ROR2: variants seen among roughly 807,000 people sequenced by gnomAD.
The protein encoded by ROR2 is tyrosine-protein kinase transmembrane receptor ROR2.
A neutral mutation model predicts 74.9 loss-of-function variants in ROR2; 33 were observed. The ratio of observed to expected loss-of-function variants is 0.44; its 90% CI spans 0.33 to 0.59. The LOEUF (loss-of-function observed/expected upper bound fraction) is 0.59. Among genes scored for constraint, ROR2 ranks in the 20% least tolerant of loss-of-function variants. ROR2 has a pLI of 0.02. For synonymous variants in ROR2, 586 were observed against 558.7 expected (o/e 1.05, Z -0.69); for missense variants, 1,216 against 1,313.8 (o/e 0.93, Z 1.15).
intron 1 of ROR2, among the ~76,000 whole-genome samples, chr9:91,806,148 G>C (rs1180336796): frequency 6.6e-6 from 1 of 152,208 alleles, no homozygotes; most frequent in Admixed American, 6.5e-5. Flanking sequence ...GGGACAGGGG[G>C]TTCTCTCAGT....
At chr9:91,763,933 A>G (rs900680469) in intron 2 of ROR2, among the ~76,000 whole-genome samples, 2 of 152,246 alleles carry the variant, frequency 1.3e-5, no homozygotes, top group African/African-American at 4.8e-5. Context: ...GATGGTCCAC[A>G]TATGCGTAGT....
At chr9:91,751,294 T>C (rs1386257578) in intron 4 of ROR2, among the ~76,000 whole-genome samples, 2 of 152,218 alleles carry the variant, frequency 1.3e-5, no homozygotes, top group South Asian at 2.1e-4. Flanking sequence ...TGTATTAACA[T>C]GGACTTTCAG....
At chr9:91,802,784 T>C (rs1178120360) in intron 1 of ROR2, among the ~76,000 whole-genome samples, 1 of 152,058 alleles carries the variant, frequency 6.6e-6, no homozygotes, top group African/African-American at 2.4e-5. Flanking sequence ...TCCCAATCAC[T>C]GTGGAAGTGG....
intron 1 of ROR2, among the ~76,000 whole-genome samples, chr9:91,798,043 T>C (rs1251221577): frequency 1.2e-3 from 3 of 2,438 alleles, no homozygotes. Context: ...GCTCTGTGGG[T>C]GGGGCTGACA....
intron 1 of ROR2, among the ~76,000 whole-genome samples, chr9:91,922,216 G>A (rs1180091212): frequency 6.6e-6 from 1 of 151,964 alleles, no homozygotes; most frequent in Non-Finnish European, 1.5e-5. Flanking sequence ...ACAAAATGGT[G>A]CAGCCACTGT....
chr9:91,747,620 G>A (rs1825465747), intron 4 of ROR2, among the ~76,000 whole-genome samples: 1 of 152,188 alleles, frequency 6.6e-6, no homozygotes, highest in African/African-American at 2.4e-5. Context: ...GCCCAAAAGA[G>A]GTGTCACTGA....
chr9:91,792,120 T>A (rs748350459), intron 1 of ROR2, among the ~76,000 whole-genome samples: 4 of 152,162 alleles, frequency 2.6e-5, no homozygotes, highest in Non-Finnish European at 4.4e-5. Context: ...GCTCTAAATT[T>A]TCAGTCTACT....
intron 2 of ROR2, among the ~76,000 whole-genome samples, chr9:91,758,225 G>GT (rs1564256206): frequency 1.3e-5 from 2 of 152,130 alleles, no homozygotes; most frequent in East Asian, 1.9e-4. Context: ...CAAAAGCACC[G>GT]TAAGTATTGA....
chr9:91,737,381 C>T lies in ROR2; in HGVS notation c.622+10G>A. Reference sequence around the variant, plus strand: ...CTTATCATCCTGGGAGAAAGGTCTGCAGCTCCTACCTGTGATTCGGTTTTC... The same window carrying T: ...CTTATCATCCTGGGAGAAAGGTCTGTAGCTCCTACCTGTGATTCGGTTTTC... On this transcript the variant is annotated intron_variant, in intron 5 of 8. Transcript: ENST00000375708. 6.2e-7 allele frequency: 1 copy of T among 1,614,050 alleles called. No homozygotes were observed. The highest frequency in any genetic ancestry group is 8.5e-7 in the Non-Finnish European group (1 of 1,179,988).
At chr9:91,742,251 A>T (rs1825278584) in intron 4 of ROR2, among the ~76,000 whole-genome samples, 1 of 151,748 alleles carries the variant, frequency 6.6e-6, no homozygotes, top group Non-Finnish European at 1.5e-5. Context: ...GGAAAGACCG[A>T]CCCCCATGAT....
intron 1 of ROR2, among the ~76,000 whole-genome samples, chr9:91,924,267 G>A (rs1056395760): frequency 3.3e-5 from 5 of 152,212 alleles, no homozygotes; most frequent in African/African-American, 1.2e-4. Flanking sequence ...CTGTGGTCAC[G>A]CTGGGGACTG....
In ROR2 at chr9:91,723,509, A is replaced by G; in HGVS notation, c.*153T>C. 8.3e-7 allele frequency: 1 copy of G among 1,203,472 alleles called. No homozygotes were observed. The highest frequency in any genetic ancestry group is 1.2e-6 in the Non-Finnish European group (1 of 863,312). 74.5% of individuals were successfully genotyped at this position (1,203,472 alleles called of 1,614,324 possible). A position where few individuals can be genotyped will look rare whatever the true frequency, so the allele number is the denominator to read the frequency against. On this transcript the variant is annotated 3_prime_UTR_variant, in exon 9 of 9. Coordinates refer to ENST00000375708, the MANE Select transcript of ROR2 (RefSeq NM_004560.4). ...CAGCTCTCTGTGTCAGAGGACAGAG[A>G]GGAGCAGGGCTCCACCTCACCCAGT...
At chr9:91,932,367 A>T (rs1054109309) in intron 1 of ROR2, among the ~76,000 whole-genome samples, 6 of 152,158 alleles carry the variant, frequency 3.9e-5, no homozygotes, top group Admixed American at 1.3e-4. Context: ...CAAATATCAT[A>T]AAAAAAATCA....
intron 1 of ROR2, among the ~76,000 whole-genome samples, chr9:91,938,928 G>A (rs542994875): frequency 6.6e-6 from 1 of 152,298 alleles, no homozygotes; most frequent in East Asian, 1.9e-4. Context: ...TATTTCCTTA[G>A]AGTGGGCCAT....
chr9:91,942,836 T>G (rs1452326638), intron 1 of ROR2, among the ~76,000 whole-genome samples: 1 of 152,142 alleles, frequency 6.6e-6, no homozygotes, highest in Non-Finnish European at 1.5e-5. Context: ...CAAAAAAGTT[T>G]TCTCCCCTAG....
chr9:91,781,019 C>A (rs976034173), intron 1 of ROR2, among the ~76,000 whole-genome samples: 9 of 152,202 alleles, frequency 5.9e-5, no homozygotes, highest in African/African-American at 1.9e-4. Flanking sequence ...TTCATCCATT[C>A]ATCTCTTCAC....
At chr9:91,867,163 T>C (rs529458570) in intron 1 of ROR2, among the ~76,000 whole-genome samples, 1 of 152,178 alleles carries the variant, frequency 6.6e-6, no homozygotes, top group Non-Finnish European at 1.5e-5. Context: ...CCCAAACTCA[T>C]ACAAGGGCAT....
intron 4 of ROR2, among the ~76,000 whole-genome samples, chr9:91,749,827 C>A (rs928491506): frequency 2.0e-5 from 3 of 152,240 alleles, no homozygotes; most frequent in Admixed American, 1.3e-4. Flanking sequence ...AAAATAAATT[C>A]TAGATGGAGT....
chr9:91,771,230 C>T (rs80285304), intron 2 of ROR2, among the ~76,000 whole-genome samples: 10 of 152,212 alleles, frequency 6.6e-5, no homozygotes, highest in African/African-American at 2.2e-4. Flanking sequence ...CACAGCTCGC[C>T]GGGTCTATTT....
Sources: gnomAD v4.1 joint callset for allele counts (sites outside exome capture counted in the v4.1 genomes callset) on GRCh38, gnomAD v4.1.1 for gene constraint, MANE v1.5 for transcripts, NCBI Gene and HGNC (gene_info 2026-07-23, HGNC 2026-07-21) for gene names.